ARL14EPL: variants seen among roughly 807,000 people sequenced by gnomAD.
The protein encoded by ARL14EPL is ARL14 effector protein-like.
ARL14EPL carries 17 observed loss-of-function variants against 15.9 expected under a neutral mutation model. The ratio of observed to expected loss-of-function variants is 1.07; its 90% CI spans 0.73 to 1.60. ARL14EPL has a LOEUF of 1.60. ARL14EPL is among the 40% of genes most tolerant of loss of function. The pLI, the probability that ARL14EPL is intolerant of heterozygous loss-of-function variation, is 0.00. For missense variants in ARL14EPL, 214 were observed against 185.9 expected, an observed-to-expected ratio of 1.15 and a Z score of -0.88; for synonymous variants, 78 against 63.8, an observed-to-expected ratio of 1.22 and a Z score of -1.06.
intron 1 of ARL14EPL, 43 bp from the exon 2 acceptor site, chr5:116,051,414 A>G: frequency 8.5e-7 from 1 of 1,171,888 alleles, no homozygotes; most frequent in East Asian, 2.6e-5. Flanking sequence ...TACTGGAGAT[A>G]GATGATATTA....
chr5:116,051,864 T>G (rs1223775735), intron 2 of ARL14EPL: 1 of 1,200,700 alleles, frequency 8.3e-7, no homozygotes. Flanking sequence ...TATTTTTTGA[T>G]TTAATAAAGT....
At chr5:116,038,204 A>G (rs145999312) in intron 1 of ARL14EPL, among the ~76,000 whole-genome samples, 74 of 152,332 alleles carry the variant, frequency 4.9e-4, no homozygotes, top group African/African-American at 1.6e-3. Context: ...ATGCATGAGT[A>G]CCAATGTCCT....
At chr5:116,036,887 A>AT (rs1196582727) in intron 1 of ARL14EPL, among the ~76,000 whole-genome samples, 2 of 152,084 alleles carry the variant, frequency 1.3e-5, no homozygotes, top group Non-Finnish European at 2.9e-5. Flanking sequence ...TTATTGATGC[A>AT]TTTTGAATAT....
Position 116,054,172 on chromosome 5 carries a change from G to A in ARL14EPL, c.236+19G>A. ...AATACAAGTAAGATTCTGACTTATT[G>A]TATTTGATCTGTGGGATTATGAAAT... On this transcript the variant is annotated intron_variant, in intron 3 of 3. Transcript: ENST00000686077. The A allele has an allele frequency of 2.6e-6, 4 of 1,525,848 alleles. No homozygotes were observed. The South Asian group carries it at 3.6e-5, about 14-fold the overall frequency. 94.5% of individuals were successfully genotyped at this position (1,525,848 alleles called of 1,614,324 possible). A position where few individuals can be genotyped will look rare whatever the true frequency, so the allele number is the denominator to read the frequency against.
chr5:116,057,438 A>G (rs1001611996), intron 3 of ARL14EPL, among the ~76,000 whole-genome samples: 6 of 148,680 alleles, frequency 4.0e-5, no homozygotes, highest in Non-Finnish European at 8.9e-5. Context: ...AAAAGCATCA[A>G]ATGGGCCGGA....
At chr5:116,035,380 G>C (rs1749030187) in intron 1 of ARL14EPL, among the ~76,000 whole-genome samples, 1 of 152,194 alleles carries the variant, frequency 6.6e-6, no homozygotes, top group Non-Finnish European at 1.5e-5. Context: ...AGTCAGCACT[G>C]TATTCAAGGC....
intron 3 of ARL14EPL, among the ~76,000 whole-genome samples, 174 bp downstream of exon 3, chr5:116,054,327 A>C (rs1749464104): frequency 6.6e-6 from 1 of 152,224 alleles, no homozygotes. Context: ...ACAGAAAAAT[A>C]GACTATAATC....
chr5:116,047,309 C>T (rs1749286079), intron 1 of ARL14EPL, among the ~76,000 whole-genome samples: 1 of 152,188 alleles, frequency 6.6e-6, no homozygotes, highest in South Asian at 2.1e-4. Context: ...ATTTAAAGTG[C>T]ATGCTTTCCT....
intron 3 of ARL14EPL, among the ~76,000 whole-genome samples, chr5:116,057,900 A>G (rs755466277): frequency 6.6e-6 from 1 of 152,228 alleles, no homozygotes; most frequent in Non-Finnish European, 1.5e-5. Flanking sequence ...TATCAGTTAT[A>G]CAGAGGTATT....
chr5:116,051,848 TA>T lies in ARL14EPL; in HGVS notation c.96+288del, dbSNP rs3832351. On this transcript the variant is annotated intron_variant, in intron 2 of 3. Transcript: ENST00000686077. Reference sequence around the variant, plus strand: ...GAATATATACAAACGTTTTTATTTTTATTTTTATTTTTTGATTTAATAAAGT... The same window carrying T: ...GAATATATACAAACGTTTTTATTTTTTTTTTATTTTTTGATTTAATAAAGT... The T allele has an allele frequency of 0.012, 13,225 of 1,121,132 alleles. 642 individuals are homozygous for T. In the East Asian group the frequency reaches 0.16, roughly 14 times the overall value. The allele number at this position is 1,121,132 out of a possible 1,614,324, so 69.4% of individuals were successfully genotyped here. A position where few individuals can be genotyped will look rare whatever the true frequency, so the allele number is the denominator to read the frequency against.
chr5:116,047,958 C>A (rs1366481918), intron 1 of ARL14EPL, among the ~76,000 whole-genome samples: 8 of 152,146 alleles, frequency 5.3e-5, no homozygotes, highest in Non-Finnish European at 1.0e-4. Context: ...GCTTCTGAGG[C>A]TATTTCCGAA....
At chr5:116,041,759 C>T (rs1482792580) in intron 1 of ARL14EPL, among the ~76,000 whole-genome samples, 8 of 152,326 alleles carry the variant, frequency 5.3e-5, no homozygotes, top group Non-Finnish European at 1.2e-4. Context: ...CTCCCTCCCT[C>T]TTTACCTGAG....
At chr5:116,058,227 A>G (rs1014915607) in intron 3 of ARL14EPL, among the ~76,000 whole-genome samples, 2 of 83,378 alleles carry the variant, frequency 2.4e-5, no homozygotes, top group Non-Finnish European at 7.8e-5. Context: ...TCTTCAAATG[A>G]TTATGGTGTA....
intron 3 of ARL14EPL, 69 bp from the exon 4 acceptor site, chr5:116,058,656 T>C: frequency 7.1e-7 from 1 of 1,408,560 alleles, no homozygotes; most frequent in Non-Finnish European, 9.7e-7. Context: ...ATGTTGATTG[T>C]ACATTAATTT....
At chr5:116,056,521 G>C (rs1749521291) in intron 3 of ARL14EPL, among the ~76,000 whole-genome samples, 1 of 151,996 alleles carries the variant, frequency 6.6e-6, no homozygotes, top group South Asian at 2.1e-4. Context: ...AAATTTGTTT[G>C]TGTTCTTTGT....
rs1269426309 is a variant in ARL14EPL at position 116,059,390 on chromosome 5, T to C, written c.*443T>C. The C allele has an allele frequency of 4.2e-5, 7 of 165,468 alleles. No individual in the cohort carries two copies. The allele number at this position is 165,468 out of a possible 1,614,324, so 10.2% of individuals were successfully genotyped here. A position where few individuals can be genotyped will look rare whatever the true frequency, so the allele number is the denominator to read the frequency against. The stretch of plus-strand genomic sequence containing the variant: ...CACTAGCTGTAAATCAGAATTGCCA[T>C]TTGGATTTTGAAGAAAAACTGTGAC... On this transcript the variant is annotated 3_prime_UTR_variant, in exon 4 of 4. Transcript: ENST00000686077.
chr5:116,045,985 TGGAGAG>T (rs1561578198), intron 1 of ARL14EPL, among the ~76,000 whole-genome samples: 1 of 152,144 alleles, frequency 6.6e-6, no homozygotes, highest in African/African-American at 2.4e-5. Context: ...TGAAACAGCT[TGGAGAG>T]GGCAGCAAGG....
At chr5:116,056,935 A>G (rs1179563790) in intron 3 of ARL14EPL, among the ~76,000 whole-genome samples, 1 of 152,216 alleles carries the variant, frequency 6.6e-6, no homozygotes, top group Middle Eastern at 3.2e-3. Context: ...TGAGGCCAGC[A>G]TCATCCTGAT....
At chr5:116,056,680 T>C (rs553496702) in intron 3 of ARL14EPL, among the ~76,000 whole-genome samples, 5 of 152,244 alleles carry the variant, frequency 3.3e-5, no homozygotes, top group Non-Finnish European at 5.9e-5. Flanking sequence ...TTTTGTCTTT[T>C]GTTGCCATTG....
Sources: allele counts gnomAD v4.1 joint callset (sites outside exome capture counted in the v4.1 genomes callset), GRCh38; gene constraint gnomAD v4.1.1; transcripts MANE v1.5; gene names NCBI Gene and HGNC (gene_info 2026-07-23, HGNC 2026-07-21).